TTN: variants seen among roughly 807,000 people sequenced by gnomAD.
TTN encodes the protein connectin.
Under a neutral mutation model 3,223.0 loss-of-function variants are expected in TTN, and 1,525 were observed. The observed-to-expected ratio is 0.47, with a 90% CI of 0.45 to 0.49. TTN has a LOEUF of 0.49. TTN is among the 20% of genes least tolerant of loss of function. The pLI is 0.00. For synonymous variants in TTN, 14,094 were observed against 15,161.0 expected (o/e 0.93, Z 5.17); for missense variants, 40,786 against 43,424.0 (o/e 0.94, Z 5.40).
rs879205535 is a variant in TTN, at chr2:178,773,290, G to A, written c.7674C>T (p.His2558=). The A allele has an allele frequency of 1.2e-6, 2 of 1,613,818 alleles. No homozygotes were observed. The highest frequency in any genetic ancestry group is 1.3e-5 in the African/African-American group (1 of 74,882). Reference sequence around the variant, plus strand: ...AATTCCACAGGACATCAATTCCAGAGTGGGACAGCTCAACCTCAAACACCA... The same window carrying A: ...AATTCCACAGGACATCAATTCCAGAATGGGACAGCTCAACCTCAAACACCA... ...QNVVFEVELS[H]SGIDVLWNFK... Residue 2558 remains histidine (H), a synonymous_variant, in exon 33 of 363, where the codon CAC becomes CAT. Coordinates refer to ENST00000589042, the MANE Select transcript of TTN (RefSeq NM_001267550.2).
In TTN at chr2:178,706,946, C is replaced by G; in HGVS notation, c.29050G>C (p.Ala9684Pro). The change falls in exon 101 of 363, where the codon GCT becomes CCT. Residue 9684 changes from alanine to proline, a missense_variant. Ala to Pro is a conservative substitution (Grantham distance 27). Transcript: ENST00000589042. Reference sequence around the variant, plus strand: ...GCTTTCTTGGTTGCTGGGGCCACAGCTGGTTTGTCTGAAAAAACATTTACA... The same window carrying G: ...GCTTTCTTGGTTGCTGGGGCCACAGGTGGTTTGTCTGAAAAAACATTTACA... ...KSKVTIKDKP[A>P]VAPATKKAAV... 6.2e-7 allele frequency: 1 copy of G among 1,605,576 alleles called. No homozygotes were observed. Among genetic ancestry groups the G allele is most frequent in the Non-Finnish European group, 8.5e-7 (1 of 1,176,184 alleles).
rs1165855712 is a variant in TTN, at chr2:178,654,269, A to G, written c.38319T>C (p.Val12773=). 1 of 1,599,532 alleles carries G rather than the reference A, an allele frequency of 6.3e-7. No homozygotes were observed. Among genetic ancestry groups the G allele is most frequent in the African/African-American group, 1.3e-5 (1 of 74,240 alleles). ...PPKVPEAPKE[V]VLEKKVSVAV... ...CCACAGATACTTTCTTTTCAAGTAC[A>G]ACTTCTTTAGGAGCTTCAGGAACTT... is the stretch of plus-strand genomic sequence containing the variant. Residue 12773 remains valine, a synonymous_variant, in exon 193 of 363, where the codon GTT becomes GTC. Coordinates refer to ENST00000589042, the MANE Select transcript of TTN (RefSeq NM_001267550.2).
Position 178,663,271 on chromosome 2 carries a change from G to A in TTN, c.36695C>T (p.Pro12232Leu), listed in dbSNP as rs769994195. 1.3e-6 allele frequency: 2 copies of A among 1,562,178 alleles called. No homozygotes were observed. The highest frequency in any genetic ancestry group is 1.7e-6 in the Non-Finnish European group (2 of 1,154,228). Residue 12232 changes from proline to leucine, a missense_variant, in exon 173 of 363, where the codon CCT becomes CTT. Transcript: ENST00000589042. ...AIPPKPESPPPEVPEVLPPKE... is the reference protein window; with the variant it reads ...AIPPKPESPPLEVPEVLPPKE... ...TTGTATAGCTTTGGCATTACCTTCA[G>A]GGGGAGGACTTTCCGGTTTGGGAGG...
chr2:178,548,111 G>C lies in TTN; in HGVS notation c.93515C>G (p.Thr31172Arg). Residue 31172 changes from threonine (T) to arginine (R), a missense_variant, in exon 339 of 363, where the codon ACA becomes AGA. Transcript: ENST00000589042. This position sits in a 1 kb window ranked among gnomAD's most constrained non-coding sequence, Gnocchi z 4.3. ...AGTTTTCTCAACAAGACGCTCTACT[G>C]TGAAAGTTAGCTGTTTGGTGTGACC... is the stretch of plus-strand genomic sequence containing the variant. ...EAGHTKQLTF[T>R]VERLVEKTEY... 1 of 1,613,880 alleles carries C rather than the reference G, an allele frequency of 6.2e-7. No individual in the cohort carries two copies. Among genetic ancestry groups the C allele is most frequent in the African/African-American group, 1.3e-5 (1 of 75,026 alleles).
intron 2 of TTN, among the ~76,000 whole-genome samples, chr2:178,803,490 G>A (rs1303652006): frequency 6.7e-6 from 1 of 150,208 alleles, no homozygotes; most frequent in Non-Finnish European, 1.5e-5. Flanking sequence ...GAATTTCATT[G>A]GTCTATATAT....
At position 178,585,062 on chromosome 2, in the gene TTN, C is replaced by T. The variant is rs755476884; in HGVS notation, c.64672+10G>A. On this transcript the variant is annotated intron_variant, in intron 309 of 362. Coordinates refer to ENST00000589042, the MANE Select transcript of TTN (RefSeq NM_001267550.2). The stretch of plus-strand genomic sequence containing the variant: ...TATTTAGATGGCCATTTGTCTAATA[C>T]TTAACTTACCCATGACTACAACTTT... 7 of 1,605,378 alleles carry T rather than the reference C, an allele frequency of 4.4e-6. No homozygotes were observed. Among genetic ancestry groups the T allele is most frequent in the South Asian group, 1.1e-5 (1 of 89,362 alleles).
chr2:178,722,493 C>T lies in TTN; in HGVS notation c.22294G>A (p.Val7432Met), dbSNP rs764881933. ...ARQLKDIEQT[V>M]GLPVTLTCRL... The stretch of plus-strand genomic sequence containing the variant: ...CAAGTGAGTGTAACAGGTAACCCCA[C>T]AGTTTGTTCAATGTCCTTTAATTGT... The change falls in exon 77 of 363, where the codon GTG (valine) becomes ATG (methionine). Residue 7432 changes from valine to methionine, a missense_variant. By Grantham distance (21) the Val-to-Met change is conservative. Coordinates refer to ENST00000589042, the MANE Select transcript of TTN (RefSeq NM_001267550.2). The T allele has an allele frequency of 7.0e-5, 113 of 1,613,276 alleles. No homozygotes were observed. The highest frequency in any genetic ancestry group is 9.3e-5 in the Non-Finnish European group (110 of 1,179,562).
Position 178,593,264 on chromosome 2 carries a change from A to C in TTN, c.58944T>G (p.Cys19648Trp), listed in dbSNP as rs764728016. ...KFRVPDLLEGCQYEFRVSAEN... is the reference protein window; with the variant it reads ...KFRVPDLLEGWQYEFRVSAEN... ...CTGCAGAAACCCGGAATTCATACTG[A>C]CATCCTTCTAGAAGATCAGGAACCC... The change falls in exon 299 of 363, where the codon TGT becomes TGG. Residue 19648 changes from cysteine to tryptophan, a missense_variant. Transcript: ENST00000589042. 5 of 1,613,424 alleles carry C rather than the reference A, an allele frequency of 3.1e-6. No homozygotes were observed. The Admixed American group carries it at 8.3e-5, about 27-fold the overall frequency.
At chr2:178,719,123 G>A in intron 83 of TTN, 41 bp downstream of exon 83, 1 of 1,575,892 alleles carries the variant, frequency 6.3e-7, no homozygotes, top group Non-Finnish European at 8.6e-7. Context: ...CCACATGAAA[G>A]AGGTGTTAGA....
In TTN at chr2:178,579,866, T is replaced by C. The variant is rs765532444; in HGVS notation, c.67349-18A>G. The C allele has an allele frequency of 1.2e-6, 2 of 1,612,270 alleles. No homozygotes were observed. Among genetic ancestry groups the C allele is most frequent in the South Asian group, 1.1e-5 (1 of 90,922 alleles). On this transcript the variant is annotated intron_variant, in intron 318 of 362. Coordinates refer to ENST00000589042, the MANE Select transcript of TTN (RefSeq NM_001267550.2). Reference sequence around the variant, plus strand: ...AGGAGTTTCTAAAGCAAAGGAGAAATGATAAGTGTAAGCCCCATATAACAA... The same window carrying C: ...AGGAGTTTCTAAAGCAAAGGAGAAACGATAAGTGTAAGCCCCATATAACAA...
At position 178,584,843 on chromosome 2, in the gene TTN, A is replaced by G. The variant is rs1436243584; in HGVS notation, c.64798T>C (p.Cys21600Arg). 1.2e-6 allele frequency: 2 copies of G among 1,613,172 alleles called. No homozygotes were observed. Among genetic ancestry groups the G allele is most frequent in the Middle Eastern group, 1.7e-4 (1 of 6,056 alleles). Residue 21600 changes from cysteine to arginine, a missense_variant, in exon 310 of 363, where the codon TGT (cysteine) becomes CGT (arginine). Transcript: ENST00000589042. ...ACCCAGTCACCTCGGCTTACATCAC[A>G]CTTCTCCACTATATAATTGGTGATG... Reference protein sequence around the residue: ...SNITNYIVEKCDVSRGDWVTA... With the variant: ...SNITNYIVEKRDVSRGDWVTA...
At chr2:178,697,206 T>G in intron 112 of TTN, 38 bp from the exon 113 acceptor site, 1 of 1,454,042 alleles carries the variant, frequency 6.9e-7, no homozygotes, top group Non-Finnish European at 9.2e-7. Context: ...TGTTTATTTT[T>G]AGATTACATT....
intron 344 of TTN, among the ~76,000 whole-genome samples, chr2:178,544,941 G>A (rs924911706): frequency 5.3e-5 from 8 of 152,024 alleles, no homozygotes; most frequent in Non-Finnish European, 8.8e-5. Flanking sequence ...TAGTTCTTGG[G>A]CTCAGACTCT....
rs1559064081 is a variant in TTN, at chr2:178,537,075, G to A, written c.100034C>T (p.Ala33345Val). Residue 33345 changes from alanine to valine, a missense_variant, in exon 356 of 363, where the codon GCC becomes GTC. Coordinates refer to ENST00000589042, the MANE Select transcript of TTN (RefSeq NM_001267550.2). Reference protein sequence around the residue: ...EGAEWQLVSSAISVTTCRIVN... With the variant: ...EGAEWQLVSSVISVTTCRIVN... ...AATTCTACAGGTTGTCACTGAGATG[G>A]CTGAAGACACCAATTGCCATTCAGC... 6.2e-7 allele frequency: 1 copy of A among 1,613,102 alleles called. No individual in the cohort carries two copies. Among genetic ancestry groups the A allele is most frequent in the Non-Finnish European group, 8.5e-7 (1 of 1,179,496 alleles).
At chr2:178,721,589 CTAGA>C (rs1328432022) in intron 78 of TTN, among the ~76,000 whole-genome samples, 5 of 151,918 alleles carry the variant, frequency 3.3e-5, no homozygotes, top group Admixed American at 6.6e-5. Context: ...AAAAAATGGA[CTAGA>C]TAGTTAAAAC....
At position 178,576,416 on chromosome 2, in the gene TTN, T is replaced by C; in HGVS notation, c.69716A>G (p.Tyr23239Cys). Residue 23239 changes from tyrosine to cysteine, a missense_variant and splice_region_variant, in exon 326 of 363, where the codon TAT becomes TGT. Coordinates refer to ENST00000589042, the MANE Select transcript of TTN (RefSeq NM_001267550.2). This position sits in a 1 kb window ranked among gnomAD's most constrained non-coding sequence, Gnocchi z 4.3. ...CGGATTTGAAGGTGGTCCTGGAGGA[T>C]CTGAGAAAGAAACAAAGACACAAAA... ...SDSVLMKDAA[Y>C]PPGPPSNPHV... is the part of the protein sequence containing the mutation. 1.9e-6 allele frequency: 3 copies of C among 1,575,392 alleles called. No homozygotes were observed. Among genetic ancestry groups the C allele is most frequent in the Non-Finnish European group, 2.6e-6 (3 of 1,168,062 alleles).
chr2:178,799,512 G>A lies in TTN; in HGVS notation c.889C>T (p.Arg297Trp). 6.2e-7 allele frequency: 1 copy of A among 1,614,162 alleles called. No individual in the cohort carries two copies. Among genetic ancestry groups the A allele is most frequent in the Non-Finnish European group, 8.5e-7 (1 of 1,180,020 alleles). ...CTGACCGGAGATGGGGTCGGTGCCC[G>A]CACGTGTCTGACCGGGGAAGGGGAG... is the stretch of plus-strand genomic sequence containing the variant. ...RHSPSPVRHV[R>W]APTPSPVRSV... Residue 297 changes from arginine to tryptophan, a missense_variant, in exon 6 of 363, where the codon CGG becomes TGG. Arg to Trp is a moderately radical substitution (Grantham distance 101). Transcript: ENST00000589042.
In TTN at chr2:178,555,081, G is replaced by T; in HGVS notation, c.88378C>A (p.Leu29460Ile). 6.2e-7 allele frequency: 1 copy of T among 1,613,782 alleles called. No homozygotes were observed. Among genetic ancestry groups the T allele is most frequent in the Non-Finnish European group, 8.5e-7 (1 of 1,179,824 alleles). Residue 29460 changes from leucine (L) to isoleucine (I), a missense_variant, in exon 331 of 363, where the codon CTC becomes ATC. Physicochemically the swap from Leu to Ile is conservative, Grantham distance 5. Coordinates refer to ENST00000589042, the MANE Select transcript of TTN (RefSeq NM_001267550.2). Reference protein sequence around the residue: ...VKYRAGTSVKLRAGISGKPAP... With the variant: ...VKYRAGTSVKIRAGISGKPAP... ...GGTTTGCCAGAAATGCCAGCTCTGA[G>T]CTTCACAGATGTACCTGCTCTGTAT...
intron 228 of TTN, 91 bp downstream of exon 228, chr2:178,635,074 T>A: frequency 6.5e-7 from 1 of 1,550,106 alleles, no homozygotes; most frequent in Non-Finnish European, 8.7e-7. Flanking sequence ...ACTCCATTAT[T>A]ATTAAAGCAA....
Sources: allele counts gnomAD v4.1 joint callset (sites outside exome capture counted in the v4.1 genomes callset), GRCh38; gene constraint gnomAD v4.1.1; non-coding constraint Gnocchi (gnomAD v3.1); transcripts MANE v1.5; gene names NCBI Gene and HGNC (gene_info 2026-07-23, HGNC 2026-07-21).